KSR2: variants seen among roughly 807,000 people sequenced by gnomAD.
KSR2 encodes kinase suppressor of ras 2.
KSR2 carries 25 observed loss-of-function variants against 107.8 expected under a neutral mutation model. That is an observed-to-expected ratio of 0.23 (90% CI 0.17 to 0.32). The LOEUF is 0.32. Among genes scored for constraint, KSR2 ranks in the 10% least tolerant of loss-of-function variants. The pLI, the probability that KSR2 is intolerant of heterozygous loss-of-function variation, is 1.00. For missense variants in KSR2, 887 were observed against 1,268.9 expected (o/e 0.70, Z 4.57); for synonymous variants, 480 against 507.0 (o/e 0.95, Z 0.71).
Position 117,459,215 on chromosome 12 carries a change from T to TC in KSR2, c.*7983dup, listed in dbSNP as rs1870774170. 1 of 152,274 alleles carries TC rather than the reference T, an allele frequency of 6.6e-6. No individual in the cohort carries two copies. The allele number at this position is 152,274 out of a possible 1,614,324, so 9.4% of individuals were successfully genotyped here. ...ACATCTGCAGAGCGCTGATAGACTG[T>TC]CCACCAACTACAGCCCAAATGGCTT... On this transcript the variant is annotated 3_prime_UTR_variant, in exon 20 of 20. Coordinates refer to ENST00000339824, the MANE Select transcript of KSR2 (RefSeq NM_173598.6).
rs892741316 is a variant in KSR2, at chr12:117,902,823, C to T, written c.181-42392G>A. Reference sequence around the variant, plus strand: ...GCAAACATTTTATTTATGAATTCACCGGAAACATATACTGAACAATGCAGA... The same window carrying T: ...GCAAACATTTTATTTATGAATTCACTGGAAACATATACTGAACAATGCAGA... On this transcript the variant is annotated intron_variant, in intron 1 of 19. Coordinates refer to ENST00000339824, the MANE Select transcript of KSR2 (RefSeq NM_173598.6). 5.3e-5 allele frequency among the ~76,000 whole-genome samples: 8 copies of T among 152,234 alleles called. No homozygotes were observed. In the East Asian group the frequency reaches 5.8e-4, roughly 11 times the overall value.
chr12:117,836,892 C>T (rs974064039), intron 3 of KSR2, among the ~76,000 whole-genome samples: 5 of 152,268 alleles, frequency 3.3e-5, no homozygotes, highest in African/African-American at 1.2e-4. Flanking sequence ...TTCCAGATGT[C>T]TCCCAAGGGA....
At chr12:117,776,505 T>C (rs1222861176) in intron 3 of KSR2, among the ~76,000 whole-genome samples, 1 of 152,152 alleles carries the variant, frequency 6.6e-6, no homozygotes, top group Non-Finnish European at 1.5e-5. Context: ...GGATCAAGGA[T>C]AAAAGAAATA....
At chr12:117,534,334 T>G (rs1404514390) in intron 10 of KSR2, among the ~76,000 whole-genome samples, 1 of 152,160 alleles carries the variant, frequency 6.6e-6, no homozygotes, top group Non-Finnish European at 1.5e-5. Flanking sequence ...GGAGGCCACT[T>G]TCCCTTGTTT....
intron 12 of KSR2, among the ~76,000 whole-genome samples, chr12:117,527,950 AGTGTGTGTGT>A (rs10664320): frequency 0.26 from 36,864 of 142,594 alleles, 4,738 homozygotes; most frequent in South Asian, 0.36. Flanking sequence ...GGAAGACACA[AGTGTGTGTGT>A]GTGTGTGTGT....
At chr12:117,517,202 C>T (rs1157642134) in intron 14 of KSR2, among the ~76,000 whole-genome samples, 1 of 152,188 alleles carries the variant, frequency 6.6e-6, no homozygotes, top group Non-Finnish European at 1.5e-5. Flanking sequence ...AAGAAATAAA[C>T]TTATATTGCG....
intron 4 of KSR2, among the ~76,000 whole-genome samples, chr12:117,679,131 G>C (rs1885261356): frequency 6.6e-6 from 1 of 152,152 alleles, no homozygotes; most frequent in African/African-American, 2.4e-5. Flanking sequence ...CTAGGACCCA[G>C]TGCCGTCTTC....
chr12:117,607,715 G>A (rs1881367462), intron 5 of KSR2, among the ~76,000 whole-genome samples: 1 of 138,582 alleles, frequency 7.2e-6, no homozygotes, highest in African/African-American at 2.9e-5. Flanking sequence ...AGAGGAGCAG[G>A]GAGCAGCCTT....
intron 7 of KSR2, among the ~76,000 whole-genome samples, chr12:117,571,634 C>A (rs932948234): frequency 6.6e-6 from 1 of 152,100 alleles, no homozygotes; most frequent in African/African-American, 2.4e-5. Context: ...TGACCGCTGG[C>A]CACTGAGTTT....
intron 4 of KSR2, among the ~76,000 whole-genome samples, chr12:117,730,764 C>T (rs1348299629): frequency 1.3e-5 from 2 of 152,234 alleles, no homozygotes; most frequent in African/African-American, 4.8e-5. Context: ...CCCGCCTCGG[C>T]CTCCCGAGGT....
intron 5 of KSR2, among the ~76,000 whole-genome samples, chr12:117,608,895 T>C (rs940114702): frequency 5.9e-5 from 9 of 152,220 alleles, no homozygotes; most frequent in Admixed American, 2.6e-4. Flanking sequence ...AACAGACTTG[T>C]ACACAGTTGG....
chr12:117,711,736 C>A (rs1886790427), intron 4 of KSR2, among the ~76,000 whole-genome samples: 1 of 152,202 alleles, frequency 6.6e-6, no homozygotes, highest in Non-Finnish European at 1.5e-5. Flanking sequence ...TGAAATTCTC[C>A]ATGGTTCTAT....
At chr12:117,741,170 T>C (rs1461223528) in intron 4 of KSR2, among the ~76,000 whole-genome samples, 1 of 152,042 alleles carries the variant, frequency 6.6e-6, no homozygotes, top group African/African-American at 2.4e-5. Flanking sequence ...TAAATAGCGA[T>C]AGTAAAGGAG....
intron 5 of KSR2, among the ~76,000 whole-genome samples, chr12:117,622,662 A>C (rs1356054258): frequency 1.3e-5 from 2 of 152,094 alleles, no homozygotes; most frequent in African/African-American, 4.8e-5. Context: ...GCTGCACAAA[A>C]CTTCCAGATC....
At chr12:117,783,782 G>C (rs899632766) in intron 3 of KSR2, among the ~76,000 whole-genome samples, 2 of 152,200 alleles carry the variant, frequency 1.3e-5, no homozygotes, top group African/African-American at 4.8e-5. Context: ...TTTCTGGCCA[G>C]AGGACCAGGA....
rs1877581650 is a variant in KSR2, at chr12:117,555,185, G to A, written c.1502C>T (p.Thr501Ile). The change falls in exon 9 of 20, where the codon ACC (threonine) becomes ATC (isoleucine). Residue 501 changes from threonine (T) to isoleucine (I), a missense_variant. Thr to Ile is a moderately conservative substitution (Grantham distance 89, BLOSUM62 -1). Around this residue, in one of 8 missense-constraint regions of KSR2, gnomAD observed 60 missense variants for 77.5 expected, o/e 0.77. Transcript: ENST00000339824. Reference protein sequence around the residue: ...DLHISQTLPKTNKINKDHIPV... With the variant: ...DLHISQTLPKINKINKDHIPV... ...CAGCCTTACCTTGTTGATTTTGTTG[G>A]TTTTGGGGAGCGTCTGACTGATGTG... 1.2e-6 allele frequency: 2 copies of A among 1,613,938 alleles called. No individual in the cohort carries two copies. Among genetic ancestry groups the A allele is most frequent in the Non-Finnish European group, 1.7e-6 (2 of 1,179,894 alleles).
intron 14 of KSR2, among the ~76,000 whole-genome samples, chr12:117,491,284 A>G (rs969145986): frequency 6.6e-6 from 1 of 152,158 alleles, no homozygotes; most frequent in Non-Finnish European, 1.5e-5. Flanking sequence ...GGTTCAAGTA[A>G]TTCTCTTGTC....
chr12:117,690,041 G>A (rs978861315), intron 4 of KSR2, among the ~76,000 whole-genome samples: 1 of 152,040 alleles, frequency 6.6e-6, no homozygotes, highest in Non-Finnish European at 1.5e-5. Context: ...AATGAATGGA[G>A]GGAGGGAGGG....
chr12:117,810,053 C>T (rs1056605041), intron 3 of KSR2, among the ~76,000 whole-genome samples: 3 of 152,104 alleles, frequency 2.0e-5, no homozygotes, highest in Non-Finnish European at 4.4e-5. Context: ...AAGTAGAGCC[C>T]GAATGAGCCT....
Sources: allele counts gnomAD v4.1 joint callset (sites outside exome capture counted in the v4.1 genomes callset), GRCh38; gene constraint gnomAD v4.1.1; regional missense constraint gnomAD v4.1.1; transcripts MANE v1.5; gene names NCBI Gene and HGNC (gene_info 2026-07-23, HGNC 2026-07-21).